Variants in SH3RF3 observed in about 807,000 individuals in gnomAD.
The protein encoded by SH3RF3 is SH3 domain containing ring finger 3, also known as E3 ubiquitin-protein ligase SH3RF3.
In SH3RF3, 29 loss-of-function variants were observed where a neutral mutation model predicts 66.3. The ratio of observed to expected loss-of-function variants is 0.44; its 90% CI spans 0.33 to 0.60. SH3RF3 has a LOEUF of 0.60. Ranked by LOEUF, SH3RF3 falls within the 20% of genes least tolerant of loss-of-function variation. The probability of loss-of-function intolerance (pLI) is 0.04; values close to 1 mark genes in which losing one functional copy is unlikely to be tolerated. For synonymous variants in SH3RF3, 583 were observed against 532.0 expected (o/e 1.10, Z -1.32); for missense variants, 1,194 against 1,190.9 (o/e 1.00, Z -0.04).
intron 1 of SH3RF3, among the ~76,000 whole-genome samples, chr2:109,291,713 C>G (rs898690566): frequency 6.6e-6 from 1 of 152,224 alleles, no homozygotes; most frequent in Non-Finnish European, 1.5e-5. Context: ...TCCTCTTTGT[C>G]TCCCAAGCCA....
At chr2:109,316,221 T>A (rs917894435) in intron 1 of SH3RF3, among the ~76,000 whole-genome samples, 5 of 152,200 alleles carry the variant, frequency 3.3e-5, no homozygotes, top group Non-Finnish European at 7.3e-5. Context: ...GCTCTTGGGC[T>A]TCATCTCTCG....
chr2:109,438,458 C>G (rs1037264330), intron 7 of SH3RF3, among the ~76,000 whole-genome samples: 17 of 152,192 alleles, frequency 1.1e-4, no homozygotes, highest in Admixed American at 3.9e-4. Flanking sequence ...TAATTTAGCA[C>G]TAGGAAAGCT....
intron 3 of SH3RF3, among the ~76,000 whole-genome samples, chr2:109,393,752 G>GC (rs1020731132): frequency 6.6e-6 from 1 of 152,002 alleles, no homozygotes; most frequent in African/African-American, 2.4e-5. Flanking sequence ...CAGTGCAGGG[G>GC]CCCAGGGGGA....
At chr2:109,294,359 G>A (rs1449743659) in intron 1 of SH3RF3, among the ~76,000 whole-genome samples, 1 of 151,980 alleles carries the variant, frequency 6.6e-6, no homozygotes, top group Non-Finnish European at 1.5e-5. Context: ...CCAGGAGCTC[G>A]AGACCAGCTT....
At chr2:109,447,980 G>A (rs930588362) in intron 7 of SH3RF3, among the ~76,000 whole-genome samples, 3 of 152,266 alleles carry the variant, frequency 2.0e-5, no homozygotes, top group East Asian at 1.9e-4. Flanking sequence ...GGTGGTGGGC[G>A]GCTTCTCCTC....
intron 1 of SH3RF3, among the ~76,000 whole-genome samples, chr2:109,287,004 G>C (rs1451006250): frequency 3.9e-5 from 6 of 152,182 alleles, no homozygotes; most frequent in Admixed American, 3.9e-4. Context: ...ACGTGCAACT[G>C]TCCCTGTGCT....
chr2:109,452,918 AGGAGGCTGGTCCCGGGAGGCTGGTGCCG>A (rs1677926918), intron 8 of SH3RF3, among the ~76,000 whole-genome samples: 8 of 134,280 alleles, frequency 6.0e-5, no homozygotes, highest in African/African-American at 2.0e-4. Context: ...GGCTGGTGCC[AGGAGGCTGGTCCCGGGAGGCTGGTGCCG>A]GGAGGCTGGT....
chr2:109,267,091 C>T (rs570171524), intron 1 of SH3RF3, among the ~76,000 whole-genome samples: 54 of 152,140 alleles, frequency 3.5e-4, no homozygotes, highest in Non-Finnish European at 5.7e-4. Flanking sequence ...CCCTGAATGC[C>T]TCTGGTCTCT....
At chr2:109,182,817 TAGAATGCTCA>T (rs925830701) in intron 1 of SH3RF3, among the ~76,000 whole-genome samples, 41 of 152,360 alleles carry the variant, frequency 2.7e-4, no homozygotes, top group African/African-American at 4.8e-4. Flanking sequence ...TTCTAGGAAA[TAGAATGCTCA>T]ACTGCCTGTT....
At chr2:109,478,092 G>A (rs1678736967) in intron 8 of SH3RF3, among the ~76,000 whole-genome samples, 1 of 152,244 alleles carries the variant, frequency 6.6e-6, no homozygotes, top group Non-Finnish European at 1.5e-5. Context: ...TGAAGAAGGG[G>A]CCCTGCCAAG....
At chr2:109,292,219 C>T (rs754554674) in intron 1 of SH3RF3, among the ~76,000 whole-genome samples, 17 of 152,164 alleles carry the variant, frequency 1.1e-4, no homozygotes, top group Non-Finnish European at 2.1e-4. Flanking sequence ...ATGTTCTCTA[C>T]AGAAAATTTG....
At chr2:109,131,780 C>T (rs1246280593) in intron 1 of SH3RF3, among the ~76,000 whole-genome samples, 1 of 152,156 alleles carries the variant, frequency 6.6e-6, no homozygotes, top group East Asian at 1.9e-4. Flanking sequence ...TATGTTGAGA[C>T]CCTTGGTTGA....
chr2:109,374,337 A>T (rs1683336853), intron 3 of SH3RF3, among the ~76,000 whole-genome samples: 2 of 152,130 alleles, frequency 1.3e-5, no homozygotes, highest in Admixed American at 1.3e-4. Flanking sequence ...GCTCTGATAC[A>T]GGCTCCCGGA....
chr2:109,183,755 C>G (rs1678122813), intron 1 of SH3RF3, among the ~76,000 whole-genome samples: 1 of 152,190 alleles, frequency 6.6e-6, no homozygotes, highest in African/African-American at 2.4e-5. Context: ...GCAGCTCGGT[C>G]AGGTCAGGAA....
intron 1 of SH3RF3, among the ~76,000 whole-genome samples, chr2:109,250,463 A>T (rs1156743952): frequency 1.3e-5 from 2 of 151,954 alleles, no homozygotes; most frequent in Non-Finnish European, 2.9e-5. Context: ...CGGAAAACTT[A>T]CCAGGTTTAA....
chr2:109,287,484 T>A (rs993068153), intron 1 of SH3RF3, among the ~76,000 whole-genome samples: 2 of 152,190 alleles, frequency 1.3e-5, no homozygotes, highest in African/African-American at 4.8e-5. Context: ...GATACCTCCC[T>A]TCTGAGAGCA....
intron 1 of SH3RF3, among the ~76,000 whole-genome samples, chr2:109,265,643 G>A (rs1053129221): frequency 1.3e-5 from 2 of 152,232 alleles, no homozygotes; most frequent in Non-Finnish European, 2.9e-5. Flanking sequence ...GGTGGCCAAC[G>A]CTGAAACAGA....
At chr2:109,166,939 TC>T (rs1399685770) in intron 1 of SH3RF3, among the ~76,000 whole-genome samples, 1 of 152,232 alleles carries the variant, frequency 6.6e-6, no homozygotes, top group Non-Finnish European at 1.5e-5. Flanking sequence ...ACATGATGCA[TC>T]CATAAATCTA....
intron 1 of SH3RF3, among the ~76,000 whole-genome samples, chr2:109,144,925 C>T (rs967325538): frequency 1.3e-5 from 2 of 152,178 alleles, no homozygotes; most frequent in Non-Finnish European, 1.5e-5. Context: ...GTGGACACTG[C>T]GCACTGTGGG....
Sources: gnomAD v4.1 joint callset for allele counts (sites outside exome capture counted in the v4.1 genomes callset) on GRCh38, gnomAD v4.1.1 for gene constraint, MANE v1.5 for transcripts, NCBI Gene and HGNC (gene_info 2026-07-23, HGNC 2026-07-21) for gene names.